OTOG: variants seen among roughly 807,000 people sequenced by gnomAD.
OTOG encodes the protein otogelin.
In OTOG, 296 loss-of-function variants were observed where a neutral mutation model predicts 313.8. The observed-to-expected ratio is 0.94, with a 90% confidence interval of 0.86 to 1.04. The LOEUF is 1.04. OTOG is among the 50% of genes least tolerant of loss of function. The probability of loss-of-function intolerance (pLI) is 0.00; values close to 1 mark genes in which losing one functional copy is unlikely to be tolerated. For missense variants in OTOG, 3,948 were observed against 3,840.1 expected, an observed-to-expected ratio of 1.03 and a Z score of -0.74; for synonymous variants, 1,533 against 1,554.9, an observed-to-expected ratio of 0.99 and a Z score of 0.33.
At chr11:17,578,983 C>T (rs1009281180) in intron 23 of OTOG, among the ~76,000 whole-genome samples, 4 of 152,222 alleles carry the variant, frequency 2.6e-5, no homozygotes, top group African/African-American at 9.7e-5. Flanking sequence ...AAAAAGAAGA[C>T]CCCACCCAGA....
At chr11:17,555,001 G>A (rs941296503) in intron 6 of OTOG, among the ~76,000 whole-genome samples, 1 of 152,202 alleles carries the variant, frequency 6.6e-6, no homozygotes, top group Non-Finnish European at 1.5e-5. Context: ...AGACCATGGG[G>A]TAGCTTTCAC....
chr11:17,641,916 T>C lies in OTOG; in HGVS notation c.8260T>C (p.Phe2754Leu). The change falls in exon 52 of 56, where the codon TTC (phenylalanine) becomes CTC (leucine). Residue 2754 changes from phenylalanine (F) to leucine (L), a missense_variant. Phe to Leu is a conservative substitution (Grantham distance 22, BLOSUM62 0). Transcript: ENST00000399397. ...CTCCTGCAGGAACGTGTCCTGTCTC[T>C]TCACCTTCCCCAATGGCACCACCTC... is the stretch of plus-strand genomic sequence containing the variant. ...CGSCRNVSCL[F>L]TFPNGTTSLF... 1.3e-6 allele frequency: 2 copies of C among 1,550,236 alleles called. No homozygotes were observed. Among genetic ancestry groups the C allele is most frequent in the Non-Finnish European group, 8.7e-7 (1 of 1,146,786 alleles).
rs1320005718 is a variant in OTOG at position 17,573,004 on chromosome 11, G to A, written c.2081-74G>A. 9 of 1,348,828 alleles carry A rather than the reference G, an allele frequency of 6.7e-6. No individual in the cohort carries two copies. The East Asian group carries it at 7.6e-5, about 11-fold the overall frequency. The allele number at this position is 1,348,828 out of a possible 1,614,324, so 83.6% of individuals were successfully genotyped here. ...ACACACACCCCTGAGCCATGGGGAG[G>A]GAGAGAGGCTGATCCTGGGACACCA... On this transcript the variant is annotated intron_variant, in intron 18 of 55. Coordinates refer to ENST00000399397, the MANE Select transcript of OTOG (RefSeq NM_001292063.2).
At position 17,570,281 on chromosome 11, in the gene OTOG, C is replaced by A; in HGVS notation, c.1846C>A (p.Leu616Ile). 6.4e-7 allele frequency: 1 copy of A among 1,550,846 alleles called. No individual in the cohort carries two copies. Among genetic ancestry groups the A allele is most frequent in the Non-Finnish European group, 8.7e-7 (1 of 1,147,040 alleles). ...RVRTNVGVRV[L>I]YDREGLRLYL... ...GAGGACGAACGTGGGCGTGCGGGTG[C>A]TCTACGACCGTGAAGGGCTCCGACT... The change falls in exon 17 of 56, where the codon CTC becomes ATC. Residue 616 changes from leucine (L) to isoleucine (I), a missense_variant. Transcript: ENST00000399397.
In OTOG at chr11:17,611,071, A is replaced by G. The variant is rs1372031183; in HGVS notation, c.5771A>G (p.Tyr1924Cys). ...SKQVSLPTSM[Y>C]GSAEGGPTEL... ...CAAGTGTCTCTGCCCACTTCCATGT[A>G]TGGTTCTGCAGAGGGTGGGCCCACA... Residue 1924 changes from tyrosine (Y) to cysteine (C), a missense_variant, in exon 36 of 56, where the codon TAT becomes TGT. Physicochemically the swap from Tyr to Cys is radical, Grantham distance 194 (BLOSUM62 -2). Transcript: ENST00000399397. The G allele has an allele frequency of 1.9e-6, 3 of 1,550,536 alleles. No individual in the cohort carries two copies. Among genetic ancestry groups the G allele is most frequent in the South Asian group, 1.2e-5 (1 of 84,062 alleles).
rs146356024 is a variant in OTOG at position 17,614,591 on chromosome 11, T to C, written c.6528+890T>C. On this transcript the variant is annotated intron_variant, in intron 39 of 55. Coordinates refer to ENST00000399397, the MANE Select transcript of OTOG (RefSeq NM_001292063.2). The stretch of plus-strand genomic sequence containing the variant: ...CCAAACACTACCTCCTGCCTCTTCA[T>C]TGTCAACCCCTCCCCCCTCCTGCTG... 8.2e-3 allele frequency among the ~76,000 whole-genome samples: 1,243 copies of C among 152,284 alleles called. 11 individuals carry two copies. Among genetic ancestry groups the C allele is most frequent in the Middle Eastern group, 0.014 (4 of 294 alleles).
rs539129544 is a variant in OTOG at position 17,610,767 on chromosome 11, G to A, written c.5467G>A (p.Gly1823Ser). The change falls in exon 36 of 56, where the codon GGC (glycine) becomes AGC (serine). Residue 1823 changes from glycine (G) to serine (S), a missense_variant. By Grantham distance (56) the Gly-to-Ser change is moderately conservative. Coordinates refer to ENST00000399397, the MANE Select transcript of OTOG (RefSeq NM_001292063.2). ...VGTSAPVATP[G>S]PKASVITTPL... is the part of the protein sequence containing the mutation. The stretch of plus-strand genomic sequence containing the variant: ...CACATCTGCCCCAGTGGCCACACCC[G>A]GCCCCAAAGCCTCTGTCATCACCAC... The A allele has an allele frequency of 1.5e-5, 24 of 1,549,880 alleles. No homozygotes were observed. Among genetic ancestry groups the A allele is most frequent in the South Asian group, 3.6e-5 (3 of 84,052 alleles).
At chr11:17,570,589 A>C (rs2134023177) in intron 17 of OTOG, 199 bp downstream of exon 17, 1 of 532,834 alleles carries the variant, frequency 1.9e-6, no homozygotes, top group South Asian at 2.9e-5. Flanking sequence ...GTGTGGAATC[A>C]CCTCAGGAGC....
In OTOG at chr11:17,547,460, C is replaced by G; in HGVS notation, c.88C>G (p.Arg30Gly). 1 of 1,368,378 alleles carries G rather than the reference C, an allele frequency of 7.3e-7. No homozygotes were observed. The highest frequency in any genetic ancestry group is 9.4e-7 in the Non-Finnish European group (1 of 1,065,858). The allele number at this position is 1,368,378 out of a possible 1,614,324, so 84.8% of individuals were successfully genotyped here. The change falls in exon 1 of 56, where the codon CGC becomes GGC. Residue 30 changes from arginine (R) to glycine (G), a missense_variant. Physicochemically the swap from Arg to Gly is moderately radical, Grantham distance 125. Coordinates refer to ENST00000399397, the MANE Select transcript of OTOG (RefSeq NM_001292063.2). ...EQAAESLRVQ[R>G]LAAAPVLWGS... is the part of the protein sequence containing the mutation. The stretch of plus-strand genomic sequence containing the variant: ...GGCAGCCGAGTCCCTGCGGGTGCAG[C>G]GCCTCGGTGAGAGGGTTGTGGACTC...
rs577492779 is a variant in OTOG at position 17,640,675 on chromosome 11, G to A, written c.7936-70G>A. ...AGGGACTGACGTAGAGAGGGGCCCA[G>A]GTGGCAGACTGCTCCTGAGGGCCAG... On this transcript the variant is annotated intron_variant, in intron 49 of 55. Coordinates refer to ENST00000399397, the MANE Select transcript of OTOG (RefSeq NM_001292063.2). 70 of 1,471,798 alleles carry A rather than the reference G, an allele frequency of 4.8e-5. No individual in the cohort carries two copies. The African/African-American group carries it at 7.2e-4, about 15-fold the overall frequency. The allele number at this position is 1,471,798 out of a possible 1,614,324, so 91.2% of individuals were successfully genotyped here. A position where few individuals can be genotyped will look rare whatever the true frequency, so the allele number is the denominator to read the frequency against.
chr11:17,618,070 T>G (rs927968912), intron 39 of OTOG, among the ~76,000 whole-genome samples: 2 of 151,984 alleles, frequency 1.3e-5, no homozygotes, highest in Non-Finnish European at 2.9e-5. Flanking sequence ...CAGCCAATTT[T>G]TTTTGTATTT....
intron 4 of OTOG, 73 bp from the exon 5 acceptor site, chr11:17,553,046 C>T: frequency 7.1e-7 from 1 of 1,411,300 alleles, no homozygotes; most frequent in Non-Finnish European, 9.7e-7. Context: ...TCCTGTGAAG[C>T]CTGAGAGGGC....
At chr11:17,588,388 C>T (rs1238972780) in intron 24 of OTOG, among the ~76,000 whole-genome samples, 1 of 152,144 alleles carries the variant, frequency 6.6e-6, no homozygotes, top group African/African-American at 2.4e-5. Flanking sequence ...GCCTGGCTAC[C>T]CATCCCTTCC....
rs1410039204 is a variant in OTOG, at chr11:17,557,289, T to C, written c.831T>C (p.Asn277=). 2 of 1,550,170 alleles carry C rather than the reference T, an allele frequency of 1.3e-6. No individual in the cohort carries two copies. The highest frequency in any genetic ancestry group is 1.7e-6 in the Non-Finnish European group (2 of 1,146,942). Residue 277 remains asparagine, a synonymous_variant, in exon 8 of 56, where the codon AAT becomes AAC. Transcript: ENST00000399397. Reference sequence around the variant, plus strand: ...CCCATGGGCTGTGTGGGAACAACAATGCTGACCCCAAGGATGATCTGGTGA... The same window carrying C: ...CCCATGGGCTGTGTGGGAACAACAACGCTGACCCCAAGGATGATCTGGTGA... ...GWTHGLCGNN[N]ADPKDDLVTS... is the part of the protein sequence containing the mutation.
chr11:17,631,378 C>CTGTG (rs1554978367), intron 40 of OTOG, among the ~76,000 whole-genome samples: 3 of 128,812 alleles, frequency 2.3e-5, no homozygotes, highest in African/African-American at 1.1e-4. Flanking sequence ...CTCTCTCTCT[C>CTGTG]TGTGTGTGTG....
chr11:17,560,701 C>A lies in OTOG; in HGVS notation c.1343-8C>A. On this transcript the variant is annotated splice_region_variant and splice_polypyrimidine_tract_variant and intron_variant, in intron 12 of 55. Transcript: ENST00000399397. ...GGTGAGTTAATTGGCCCTTTGCTGTCACTCTAGGGCTCATCTTCGAGGATG... is the reference window on the plus strand; with the variant it reads ...GGTGAGTTAATTGGCCCTTTGCTGTAACTCTAGGGCTCATCTTCGAGGATG... 6.5e-7 allele frequency: 1 copy of A among 1,548,420 alleles called. No homozygotes were observed.
At chr11:17,601,177 G>A (rs556434660) in intron 31 of OTOG, among the ~76,000 whole-genome samples, 1 of 152,262 alleles carries the variant, frequency 6.6e-6, no homozygotes, top group East Asian at 1.9e-4. Context: ...TGACAGATGT[G>A]GGCCTCCCAT....
At chr11:17,628,982 A>G in intron 39 of OTOG, 151 bp from the exon 40 acceptor site, 3 of 710,846 alleles carry the variant, frequency 4.2e-6, no homozygotes, top group Non-Finnish European at 4.4e-6. Flanking sequence ...TGTGCCTGAA[A>G]CAGAGCCTGG....
rs1852171756 is a variant in OTOG at position 17,561,071 on chromosome 11, C to T, written c.1452-20C>T. The T allele has an allele frequency of 1.3e-6, 2 of 1,550,578 alleles. No individual in the cohort carries two copies. The highest frequency in any genetic ancestry group is 2.4e-5 in the East Asian group (1 of 40,924). On this transcript the variant is annotated intron_variant, in intron 13 of 55. Transcript: ENST00000399397. ...GGCCTGGAGGGGTGACCTCTTGCCT[C>T]CTTGGTCTCTGTGTTTTAGCACATG...
Sources: gnomAD v4.1 joint callset for allele counts (sites outside exome capture counted in the v4.1 genomes callset) on GRCh38, gnomAD v4.1.1 for gene constraint, MANE v1.5 for transcripts, NCBI Gene and HGNC (gene_info 2026-07-23, HGNC 2026-07-21) for gene names.